The following SPIN1 variants were observed in gnomAD, a reference collection of about 807,000 sequenced individuals.
SPIN1 encodes spindlin 1.
In SPIN1, 3 loss-of-function variants were observed where a neutral mutation model predicts 26.0. The ratio of observed to expected loss-of-function variants is 0.12; its 90% confidence interval spans 0.05 to 0.30. SPIN1 has a LOEUF of 0.30. Ranked by LOEUF, SPIN1 falls within the 10% of genes least tolerant of loss-of-function variation. The pLI is 1.00. For missense variants in SPIN1, 126 were observed against 333.4 expected, an observed-to-expected ratio of 0.38 and a Z score of 4.84; for synonymous variants, 101 against 116.5, an observed-to-expected ratio of 0.87 and a Z score of 0.86.
At chr9:88,450,434 G>T (rs1444385786) in intron 3 of SPIN1, among the ~76,000 whole-genome samples, 1 of 152,138 alleles carries the variant, frequency 6.6e-6, no homozygotes, top group Non-Finnish European at 1.5e-5. Context: ...ATGATTAAAA[G>T]TTCATTTACT....
At chr9:88,405,128 G>A (rs529530632) in intron 1 of SPIN1, among the ~76,000 whole-genome samples, 90 of 152,250 alleles carry the variant, frequency 5.9e-4, no homozygotes, top group African/African-American at 2.2e-3. Context: ...AAATAAGTAT[G>A]AGTACAGACT....
At chr9:88,474,021 A>G (rs1011937667) in intron 5 of SPIN1, among the ~76,000 whole-genome samples, 3 of 152,326 alleles carry the variant, frequency 2.0e-5, no homozygotes, top group African/African-American at 7.2e-5. Flanking sequence ...TTGGATTGTC[A>G]TTCAGTGAGA....
chr9:88,435,390 T>C (rs1012969017), intron 2 of SPIN1, among the ~76,000 whole-genome samples: 8 of 151,896 alleles, frequency 5.3e-5, no homozygotes, highest in African/African-American at 1.9e-4. Context: ...AATTTTTGAA[T>C]TTTTTAGGGT....
At chr9:88,434,321 A>ATTATTTTACAAATTATAAAATAGT (rs1564031532) in intron 2 of SPIN1, among the ~76,000 whole-genome samples, 5 of 138,734 alleles carry the variant, frequency 3.6e-5, no homozygotes, top group South Asian at 2.2e-4. Flanking sequence ...AATTTATAAA[A>ATTATTTTACAAATTATAAAATAGT]TTATTTTACA....
intron 1 of SPIN1, among the ~76,000 whole-genome samples, chr9:88,409,870 C>G (rs1827399919): frequency 6.6e-6 from 1 of 151,900 alleles, no homozygotes; most frequent in Non-Finnish European, 1.5e-5. Context: ...AGCTACATGT[C>G]TTAGAGCCTG....
At chr9:88,469,711 A>G (rs1186120280) in intron 5 of SPIN1, among the ~76,000 whole-genome samples, 1 of 151,966 alleles carries the variant, frequency 6.6e-6, no homozygotes, top group Non-Finnish European at 1.5e-5. Context: ...TTTGTTTTAT[A>G]TTTTAGAGAT....
At chr9:88,471,675 A>AG (rs1200220505) in intron 5 of SPIN1, among the ~76,000 whole-genome samples, 20 of 151,264 alleles carry the variant, frequency 1.3e-4, no homozygotes, top group South Asian at 4.2e-4. Flanking sequence ...AAAAAAAAAA[A>AG]AAAAGAAAAT....
chr9:88,412,056 G>A (rs1827461033), intron 1 of SPIN1, among the ~76,000 whole-genome samples: 1 of 151,634 alleles, frequency 6.6e-6, no homozygotes, highest in Non-Finnish European at 1.5e-5. Context: ...GTGGGCGCCT[G>A]TAGTCCCAGC....
At chr9:88,390,516 C>G (rs1826896722) in intron 1 of SPIN1, among the ~76,000 whole-genome samples, 1 of 152,122 alleles carries the variant, frequency 6.6e-6, no homozygotes. Flanking sequence ...CATCTTTTTT[C>G]TAGTATATTC....
At chr9:88,399,963 T>C (rs1254802387) in intron 1 of SPIN1, among the ~76,000 whole-genome samples, 2 of 152,172 alleles carry the variant, frequency 1.3e-5, no homozygotes, top group African/African-American at 2.4e-5. Context: ...GAAAATTGGA[T>C]TGGAGGCATA....
chr9:88,406,673 A>T (rs1383504680), intron 1 of SPIN1, among the ~76,000 whole-genome samples: 1 of 152,128 alleles, frequency 6.6e-6, no homozygotes, highest in Non-Finnish European at 1.5e-5. Flanking sequence ...AAAGTAACTG[A>T]CGTTTAGTTT....
intron 3 of SPIN1, among the ~76,000 whole-genome samples, chr9:88,453,651 C>G (rs769527885): frequency 6.6e-6 from 1 of 152,044 alleles, no homozygotes; most frequent in African/African-American, 2.4e-5. Context: ...CTCAGCCTTC[C>G]GAGTAGCTGG....
intron 1 of SPIN1, among the ~76,000 whole-genome samples, chr9:88,389,105 C>T (rs1222174459): frequency 6.6e-6 from 1 of 152,106 alleles, no homozygotes; most frequent in Non-Finnish European, 1.5e-5. Flanking sequence ...GGGGGATGGC[C>T]GCGGACCTTG....
chr9:88,406,084 T>C (rs551390675), intron 1 of SPIN1, among the ~76,000 whole-genome samples: 91 of 151,452 alleles, frequency 6.0e-4, no homozygotes, highest in South Asian at 5.6e-3. Context: ...TTGCCTAGTC[T>C]GGTCTCCAAC....
intron 1 of SPIN1, among the ~76,000 whole-genome samples, chr9:88,424,504 G>A (rs1827730019): frequency 6.6e-6 from 1 of 152,174 alleles, no homozygotes; most frequent in African/African-American, 2.4e-5. Flanking sequence ...AATAATCATC[G>A]TGATGTGATT....
intron 3 of SPIN1, among the ~76,000 whole-genome samples, 197 bp from the exon 4 acceptor site, chr9:88,462,299 T>C (rs1828590914): frequency 6.6e-6 from 1 of 152,176 alleles, no homozygotes; most frequent in African/African-American, 2.4e-5. Context: ...TAACATACCA[T>C]GTTACACACT....
chr9:88,441,397 T>TTGTGTGTGTGTGTG lies in SPIN1; in HGVS notation c.53-7544_53-7543insTGTGTGTGTGTGTG, dbSNP rs1828119766. ...CTGGTTGTATCATCATTGCTGCCAT[T>TTGTGTGTGTGTGTG]CGTGTGTGTGTGTGTGTGCGCGCGC... On this transcript the variant is annotated intron_variant, in intron 2 of 5. Transcript: ENST00000375859. Among the ~76,000 whole-genome samples the TTGTGTGTGTGTGTG allele has an allele frequency of 4.9e-5, 5 of 102,384 alleles. No individual in the cohort carries two copies. The South Asian group carries it at 1.6e-3, about 32-fold the overall frequency. The allele number at this position is 102,384 out of a possible 152,430, so 67.2% of individuals were successfully genotyped here. A position where few individuals can be genotyped will look rare whatever the true frequency, so the allele number is the denominator to read the frequency against.
At chr9:88,430,203 A>G (rs1448700362) in intron 2 of SPIN1, among the ~76,000 whole-genome samples, 1 of 152,216 alleles carries the variant, frequency 6.6e-6, no homozygotes, top group African/African-American at 2.4e-5. Flanking sequence ...TAGTTCAGCT[A>G]TGCCCTCAGG....
At chr9:88,460,187 TC>T (rs1828551189) in intron 3 of SPIN1, among the ~76,000 whole-genome samples, 1 of 152,234 alleles carries the variant, frequency 6.6e-6, no homozygotes. Context: ...TTTAGGTTCT[TC>T]TGTTACACAG....
Sources: allele counts gnomAD v4.1 joint callset (sites outside exome capture counted in the v4.1 genomes callset), GRCh38; gene constraint gnomAD v4.1.1; transcripts MANE v1.5; gene names NCBI Gene and HGNC (gene_info 2026-07-23, HGNC 2026-07-21).